PPARGC1B: variants seen among roughly 807,000 people sequenced by gnomAD.
PPARGC1B encodes peroxisome proliferator-activated receptor gamma coactivator 1-beta.
In PPARGC1B, 34 loss-of-function variants were observed where a neutral mutation model predicts 101.6. That is an observed-to-expected ratio of 0.33 (90% CI 0.25 to 0.45). PPARGC1B has a LOEUF of 0.45. PPARGC1B is among the 20% of genes least tolerant of loss of function. The pLI is 1.00. For synonymous variants in PPARGC1B, 548 were observed against 539.3 expected, an observed-to-expected ratio of 1.02 and a Z score of -0.22; for missense variants, 1,234 against 1,317.6, an observed-to-expected ratio of 0.94 and a Z score of 0.98.
Position 149,837,968 on chromosome 5 carries a change from T to TGGGGCA in PPARGC1B, c.2618+917_2618+922dup, listed in dbSNP as rs532824869. 1.4e-3 allele frequency among the ~76,000 whole-genome samples: 216 copies of TGGGGCA among 151,544 alleles called. 1 individual carries two copies. Among genetic ancestry groups the TGGGGCA allele is most frequent in the African/African-American group, 4.3e-3 (177 of 41,252 alleles). On this transcript the variant is annotated intron_variant, in intron 8 of 11. Transcript: ENST00000309241. This position sits in a 1 kb window ranked among gnomAD's most constrained non-coding sequence, Gnocchi z 4.2. ...GGGTGTCTGATCTGTAGGTCTGGGG[T>TGGGGCA]GGGGCAGGGGCAGGGGCAGGGGCAG...
chr5:149,777,660 TC>T (rs1756415908), intron 1 of PPARGC1B, among the ~76,000 whole-genome samples: 1 of 151,826 alleles, frequency 6.6e-6, no homozygotes, highest in African/African-American at 2.4e-5. Flanking sequence ...AGCCGGCCCC[TC>T]CCCCAGCATC....
rs12521482 is a variant in PPARGC1B, at chr5:149,801,311, G to C, written c.79-19122G>C. Among the ~76,000 whole-genome samples the C allele has an allele frequency of 2.0e-5, 3 of 152,314 alleles. No homozygotes were observed. The South Asian group carries it at 6.2e-4, about 32-fold the overall frequency. ...TGTACCTTCAGAAGGCCATGAGAGC[G>C]TGCAGAAAGGCTCCTTATATGATCT... On this transcript the variant is annotated intron_variant, in intron 1 of 11. Transcript: ENST00000309241.
intron 3 of PPARGC1B, among the ~76,000 whole-genome samples, chr5:149,830,046 A>G (rs965498401): frequency 3.2e-4 from 38 of 120,502 alleles, no homozygotes; most frequent in Non-Finnish European, 5.5e-4. Flanking sequence ...AAAAAAAAAA[A>G]AAAAAAAAGA....
At chr5:149,763,204 C>T (rs73265603) in intron 1 of PPARGC1B, among the ~76,000 whole-genome samples, 4,067 of 152,320 alleles carry the variant, frequency 0.027, 172 homozygotes, top group African/African-American at 0.092. Flanking sequence ...TGGCCCTGGT[C>T]CTGCAGGTCT....
At chr5:149,819,644 A>C (rs1164131592) in intron 1 of PPARGC1B, among the ~76,000 whole-genome samples, 1 of 152,196 alleles carries the variant, frequency 6.6e-6, no homozygotes, top group African/African-American at 2.4e-5. Context: ...CTGAGATTAC[A>C]GGCATGCGCC....
In PPARGC1B at chr5:149,837,193, C is replaced by T. The variant is rs1759136333; in HGVS notation, c.2618+120C>T. On this transcript the variant is annotated intron_variant, in intron 8 of 11. Coordinates refer to ENST00000309241, the MANE Select transcript of PPARGC1B (RefSeq NM_133263.4). The surrounding 1 kb of genome is among the most constrained non-coding windows in gnomAD (Gnocchi z 4.2). The stretch of plus-strand genomic sequence containing the variant: ...TTGCTCTGAAACTGAGGCTGCATCT[C>T]CCAGTGTGGCCCATGTCTTGGTCAG... 1.4e-6 allele frequency: 2 copies of T among 1,419,702 alleles called. No homozygotes were observed. The highest frequency in any genetic ancestry group is 1.9e-6 in the Non-Finnish European group (2 of 1,068,018). The allele number at this position is 1,419,702 out of a possible 1,614,324, so 87.9% of individuals were successfully genotyped here.
chr5:149,827,564 G>A (rs1049828410), intron 3 of PPARGC1B, among the ~76,000 whole-genome samples: 5 of 152,182 alleles, frequency 3.3e-5, no homozygotes, highest in African/African-American at 9.7e-5. Flanking sequence ...TTCTTATACA[G>A]GCCTTTGTGA....
At chr5:149,809,485 G>GATAGATAGATAGATAGATCCATCTCTACC (rs1561568478) in intron 1 of PPARGC1B, among the ~76,000 whole-genome samples, 15 of 58,782 alleles carry the variant, frequency 2.6e-4, no homozygotes, top group South Asian at 1.1e-3. Flanking sequence ...ACCATAGATA[G>GATAGATAGATAGATAGATCCATCTCTACC]ATAGATAGAT....
At chr5:149,793,444 C>T (rs1290588103) in intron 1 of PPARGC1B, among the ~76,000 whole-genome samples, 1 of 152,170 alleles carries the variant, frequency 6.6e-6, no homozygotes, top group African/African-American at 2.4e-5. Context: ...TATACTGCCT[C>T]CCTTGGCACT....
At chr5:149,834,763 G>A in intron 6 of PPARGC1B, 53 bp downstream of exon 6, 2 of 1,536,828 alleles carry the variant, frequency 1.3e-6, no homozygotes, top group Non-Finnish European at 9.0e-7. Context: ...TGTCTTGTTG[G>A]ATGTGTGTGT....
chr5:149,802,427 TCTC>T (rs1757460121), intron 1 of PPARGC1B, among the ~76,000 whole-genome samples: 1 of 151,932 alleles, frequency 6.6e-6, no homozygotes, highest in African/African-American at 2.4e-5. Flanking sequence ...CTTCCTCTCC[TCTC>T]CTCCTTTCCC....
intron 1 of PPARGC1B, among the ~76,000 whole-genome samples, chr5:149,797,919 C>T (rs1367692908): frequency 6.6e-6 from 1 of 151,980 alleles, no homozygotes; most frequent in East Asian, 1.9e-4. Flanking sequence ...AACTCCATCC[C>T]CACCCCCCGC....
intron 1 of PPARGC1B, among the ~76,000 whole-genome samples, chr5:149,817,353 A>G (rs112183859): frequency 0.089 from 13,473 of 152,036 alleles, 843 homozygotes; most frequent in Admixed American, 0.16. Context: ...GGTGGTGCAC[A>G]CCTGTACTCT....
At chr5:149,758,491 G>T (rs961755676) in intron 1 of PPARGC1B, among the ~76,000 whole-genome samples, 1 of 152,202 alleles carries the variant, frequency 6.6e-6, no homozygotes, top group African/African-American at 2.4e-5. Flanking sequence ...TTTCACTGGC[G>T]CTGCACATAG....
intron 1 of PPARGC1B, among the ~76,000 whole-genome samples, chr5:149,789,801 C>T (rs1340077530): frequency 1.3e-5 from 2 of 152,340 alleles, no homozygotes; most frequent in South Asian, 2.1e-4. Flanking sequence ...TTCCCTGAAG[C>T]TGCACTTCTA....
At chr5:149,740,328 A>G (rs561543645) in intron 1 of PPARGC1B, among the ~76,000 whole-genome samples, 6 of 152,334 alleles carry the variant, frequency 3.9e-5, no homozygotes, top group African/African-American at 1.4e-4. Context: ...CAATGTCTGT[A>G]AAGTGTTCAG....
rs534120387 is a variant in PPARGC1B, at chr5:149,821,426, CATGTGTGGGTGGGAGTGTGCGGCCT to C, written c.252+822_252+846del. On this transcript the variant is annotated intron_variant, in intron 2 of 11. Coordinates refer to ENST00000309241, the MANE Select transcript of PPARGC1B (RefSeq NM_133263.4). ...AGAAAGCAAGCTCTGCATGGATTTG[CATGTGTGGGTGGGAGTGTGCGGCCT>C]AGAGGGTAATCGATGAAATTGGATT... Among the ~76,000 whole-genome samples, 297 of 152,228 alleles carry C rather than the reference CATGTGTGGGTGGGAGTGTGCGGCCT, an allele frequency of 2.0e-3. 1 individual carries two copies. The highest frequency in any genetic ancestry group is 3.4e-3 in the Middle Eastern group (1 of 294).
At chr5:149,774,958 A>G (rs1232281217) in intron 1 of PPARGC1B, among the ~76,000 whole-genome samples, 1 of 152,134 alleles carries the variant, frequency 6.6e-6, no homozygotes, top group East Asian at 1.9e-4. Context: ...GTGGAGCAGC[A>G]TGTCCCCACA....
At chr5:149,825,143 C>G (rs543550449) in intron 2 of PPARGC1B, among the ~76,000 whole-genome samples, 4 of 152,340 alleles carry the variant, frequency 2.6e-5, no homozygotes, top group African/African-American at 9.6e-5. Flanking sequence ...ACCTAGAAGC[C>G]ACGTGCTCTC....
Sources: allele counts gnomAD v4.1 joint callset (sites outside exome capture counted in the v4.1 genomes callset), GRCh38; gene constraint gnomAD v4.1.1; non-coding constraint Gnocchi (gnomAD v3.1); transcripts MANE v1.5; gene names NCBI Gene and HGNC (gene_info 2026-07-23, HGNC 2026-07-21).